TPST1: variants seen among roughly 807,000 people sequenced by gnomAD.
TPST1 encodes the protein tyrosylprotein sulfotransferase 1, also known as protein-tyrosine sulfotransferase 1.
Under a neutral mutation model 34.8 loss-of-function variants are expected in TPST1, and 20 were observed. The observed-to-expected ratio is 0.57, with a 90% confidence interval of 0.40 to 0.84. The LOEUF is 0.84. Ranked by LOEUF, TPST1 falls within the 40% of genes least tolerant of loss-of-function variation. The pLI, the probability that TPST1 is intolerant of heterozygous loss-of-function variation, is 0.00. For synonymous variants in TPST1, 152 were observed against 159.4 expected, an observed-to-expected ratio of 0.95 and a Z score of 0.35; for missense variants, 353 against 455.5, an observed-to-expected ratio of 0.78 and a Z score of 2.05.
rs1043330293 is a variant in TPST1 at position 66,332,667 on chromosome 7, T to C, written c.1045-19838T>C. ...TTCAACTAACCATGGACTGAAAATA[T>C]GTGGGGGGGAAATGATGCTTACATC... On this transcript the variant is annotated intron_variant, in intron 3 of 5. Transcript: ENST00000304842. This position sits in a 1 kb window ranked among gnomAD's most constrained non-coding sequence, Gnocchi z 4.5. 3.9e-5 allele frequency among the ~76,000 whole-genome samples: 6 copies of C among 152,128 alleles called. No homozygotes were observed. Among genetic ancestry groups the C allele is most frequent in the African/African-American group, 1.4e-4 (6 of 41,418 alleles).
chr7:66,269,372 G>A (rs964716704), intron 2 of TPST1, among the ~76,000 whole-genome samples: 1 of 152,202 alleles, frequency 6.6e-6, no homozygotes, highest in African/African-American at 2.4e-5. Flanking sequence ...ATAGAATTCA[G>A]CAGTGTAGCA....
chr7:66,309,183 G>A (rs1322118317), intron 3 of TPST1, among the ~76,000 whole-genome samples: 1 of 152,208 alleles, frequency 6.6e-6, no homozygotes, highest in East Asian at 1.9e-4. Context: ...ACAGGCATGA[G>A]CCACTGCACC....
At chr7:66,225,313 A>C (rs1789631288) in intron 1 of TPST1, among the ~76,000 whole-genome samples, 1 of 152,114 alleles carries the variant, frequency 6.6e-6, no homozygotes, top group African/African-American at 2.4e-5. Context: ...AGTGGAGTTT[A>C]AAAGTAATGG....
rs561372133 is a variant in TPST1 at position 66,206,299 on chromosome 7, T to C, written c.-102+777T>C. Reference sequence around the variant, plus strand: ...TATCTTCATTCGTCCTTACATGAGCTGCACCCCATAACATGTAAAGTCCCT... The same window carrying C: ...TATCTTCATTCGTCCTTACATGAGCCGCACCCCATAACATGTAAAGTCCCT... On this transcript the variant is annotated intron_variant, in intron 1 of 5. Transcript: ENST00000304842. 6.6e-5 allele frequency among the ~76,000 whole-genome samples: 10 copies of C among 152,232 alleles called. No homozygotes were observed. In the East Asian group the frequency reaches 1.9e-3, roughly 29 times the overall value.
intron 2 of TPST1, among the ~76,000 whole-genome samples, chr7:66,268,854 A>C (rs749395907): frequency 9.2e-5 from 14 of 151,938 alleles, no homozygotes; most frequent in Non-Finnish European, 2.1e-4. Flanking sequence ...ACGCCTAGCT[A>C]ATTTTTGTAT....
chr7:66,274,977 G>A (rs1202249687), intron 2 of TPST1, among the ~76,000 whole-genome samples: 1 of 152,058 alleles, frequency 6.6e-6, no homozygotes, highest in Non-Finnish European at 1.5e-5. Context: ...GGTGGATCAC[G>A]AGGTCAGGAG....
chr7:66,343,935 C>T (rs761311327), intron 3 of TPST1, among the ~76,000 whole-genome samples: 4 of 151,960 alleles, frequency 2.6e-5, no homozygotes, highest in Non-Finnish European at 5.9e-5. Flanking sequence ...TAAGAAAGAA[C>T]CCAAAAGAAA....
intron 1 of TPST1, among the ~76,000 whole-genome samples, chr7:66,208,290 A>G (rs978790170): frequency 6.6e-6 from 1 of 152,192 alleles, no homozygotes; most frequent in Non-Finnish European, 1.5e-5. Context: ...ACTGTGACAG[A>G]GATGACTACA....
At chr7:66,286,472 A>T (rs761961571) in intron 2 of TPST1, 39 bp from the exon 3 acceptor site, 3 of 1,398,158 alleles carry the variant, frequency 2.1e-6, no homozygotes, top group African/African-American at 3.0e-5. Context: ...TTTCTAAAAA[A>T]TTTTAAATAA....
At chr7:66,309,651 G>C (rs1406126842) in intron 3 of TPST1, among the ~76,000 whole-genome samples, 1 of 152,140 alleles carries the variant, frequency 6.6e-6, no homozygotes, top group Non-Finnish European at 1.5e-5. Context: ...TAAGGCACAG[G>C]AACTGTTGCT....
At chr7:66,339,298 T>C (rs543062810) in intron 3 of TPST1, among the ~76,000 whole-genome samples, 11 of 152,044 alleles carry the variant, frequency 7.2e-5, no homozygotes, top group East Asian at 3.9e-4. Flanking sequence ...CAAGATTGAA[T>C]CAGGAAGAAA....
At chr7:66,304,718 T>G (rs775986026) in intron 3 of TPST1, among the ~76,000 whole-genome samples, 3 of 152,220 alleles carry the variant, frequency 2.0e-5, no homozygotes, top group Non-Finnish European at 4.4e-5. Context: ...ATATTGTGCT[T>G]TGTACATTTC....
chr7:66,238,682 A>T (rs964661621), intron 1 of TPST1, among the ~76,000 whole-genome samples: 1 of 152,208 alleles, frequency 6.6e-6, no homozygotes, highest in Admixed American at 6.5e-5. Context: ...TGTTGATTTA[A>T]GTGTTAATCA....
At chr7:66,355,937 G>C (rs377623862) in intron 4 of TPST1, among the ~76,000 whole-genome samples, 94 of 150,264 alleles carry the variant, frequency 6.3e-4, no homozygotes, top group Admixed American at 2.1e-3. Flanking sequence ...GCTGAGCGTG[G>C]TGGCATACTT....
intron 3 of TPST1, among the ~76,000 whole-genome samples, chr7:66,336,177 G>T (rs796497261): frequency 5.3e-5 from 8 of 152,240 alleles, no homozygotes; most frequent in African/African-American, 1.9e-4. Flanking sequence ...GGGCCTGGTG[G>T]TGGGCACCTG....
intron 1 of TPST1, among the ~76,000 whole-genome samples, chr7:66,230,528 G>A (rs1450634635): frequency 2.6e-5 from 4 of 152,036 alleles, no homozygotes; most frequent in African/African-American, 4.8e-5. Flanking sequence ...AGACCTTCAC[G>A]GTGAGTGTTA....
At chr7:66,328,533 A>T (rs1403964728) in intron 3 of TPST1, among the ~76,000 whole-genome samples, 1 of 151,662 alleles carries the variant, frequency 6.6e-6, no homozygotes, top group South Asian at 2.1e-4. Context: ...GCCCATTCAC[A>T]AATGAAATAG....
At chr7:66,329,025 C>T (rs568762982) in intron 3 of TPST1, among the ~76,000 whole-genome samples, 18 of 147,544 alleles carry the variant, frequency 1.2e-4, no homozygotes, top group African/African-American at 4.6e-4. Context: ...AATTCTCCTG[C>T]CTCAGCCTCC....
At chr7:66,225,675 C>T (rs769470824) in intron 1 of TPST1, among the ~76,000 whole-genome samples, 4 of 152,126 alleles carry the variant, frequency 2.6e-5, no homozygotes, top group South Asian at 2.1e-4. Context: ...TGCATGCACA[C>T]GCACACGTGT....
Sources: gnomAD v4.1 joint callset for allele counts (sites outside exome capture counted in the v4.1 genomes callset) on GRCh38, gnomAD v4.1.1 for gene constraint, Gnocchi (gnomAD v3.1) non-coding constraint, MANE v1.5 for transcripts, NCBI Gene and HGNC (gene_info 2026-07-23, HGNC 2026-07-21) for gene names.